The following HEATR3 variants were observed in gnomAD, a reference collection of about 807,000 sequenced individuals.
The protein encoded by HEATR3 is HEAT repeat-containing protein 3.
Under a neutral mutation model 72.8 loss-of-function variants are expected in HEATR3, and 56 were observed. That is an observed-to-expected ratio of 0.77 (90% CI 0.62 to 0.96). HEATR3 has a LOEUF of 0.96. Ranked by LOEUF, HEATR3 falls within the 40% of genes least tolerant of loss-of-function variation. HEATR3 has a pLI of 0.00. For synonymous variants in HEATR3, 331 were observed against 318.1 expected, an observed-to-expected ratio of 1.04 and a Z score of -0.43; for missense variants, 747 against 831.4, an observed-to-expected ratio of 0.90 and a Z score of 1.25.
intron 13 of HEATR3, among the ~76,000 whole-genome samples, chr16:50,101,271 A>G (rs576802014): frequency 4.0e-5 from 6 of 151,808 alleles, no homozygotes; most frequent in Admixed American, 3.9e-4. Flanking sequence ...GCCCACTACC[A>G]CACCTGGCTA....
intron 11 of HEATR3, among the ~76,000 whole-genome samples, chr16:50,094,051 ATC>A (rs1358968019): frequency 2.0e-5 from 3 of 152,090 alleles, no homozygotes; most frequent in African/African-American, 7.2e-5. Context: ...CACCAAGCAA[ATC>A]TCTTCCCATC....
chr16:50,066,314 C>T lies in HEATR3; in HGVS notation c.138+45C>T, dbSNP rs773162123. On this transcript the variant is annotated intron_variant, in intron 1 of 14. Transcript: ENST00000299192. ...GGGCCGGGAGGCGAGACGAGGTTGC[C>T]CCGCGCGCGTGCGCATTGCGCGCCT... 3.2e-6 allele frequency: 5 copies of T among 1,568,322 alleles called. No homozygotes were observed. The South Asian group carries it at 5.8e-5, about 18-fold the overall frequency.
intron 11 of HEATR3, among the ~76,000 whole-genome samples, chr16:50,090,464 T>C (rs1188382999): frequency 6.6e-6 from 1 of 152,214 alleles, no homozygotes; most frequent in Non-Finnish European, 1.5e-5. Context: ...CTAACTTGTT[T>C]TAATTTTAAT....
At chr16:50,066,631 T>G in intron 2 of HEATR3, 92 bp downstream of exon 2, 1 of 1,158,858 alleles carries the variant, frequency 8.6e-7, no homozygotes, top group Non-Finnish European at 1.1e-6. Context: ...GCGCCTTCTG[T>G]GTGCCATCAG....
At chr16:50,066,605 T>TCGCAGCGGTCA (rs1838267773) in intron 2 of HEATR3, 66 bp downstream of exon 2, 1 of 1,233,532 alleles carries the variant, frequency 8.1e-7, no homozygotes, top group Admixed American at 4.2e-5. Context: ...CTGCGGGCGG[T>TCGCAGCGGTCA]CGCAGCGGTC....
chr16:50,096,408 C>G (rs752461478), intron 12 of HEATR3, among the ~76,000 whole-genome samples: 9 of 150,752 alleles, frequency 6.0e-5, no homozygotes, highest in Non-Finnish European at 1.2e-4. Flanking sequence ...AAGCAAGGTT[C>G]ATGTGTTGCT....
At chr16:50,104,445 G>A (rs776032005) in intron 14 of HEATR3, among the ~76,000 whole-genome samples, 4 of 152,054 alleles carry the variant, frequency 2.6e-5, no homozygotes, top group Non-Finnish European at 5.9e-5. Flanking sequence ...GCCCAGGCTA[G>A]TCTTGAACTC....
Position 50,068,775 on chromosome 16 carries a change from T to C in HEATR3, c.312-5T>C, listed in dbSNP as rs746742432. 3 of 1,609,066 alleles carry C rather than the reference T, an allele frequency of 1.9e-6. No homozygotes were observed. In the Admixed American group the frequency reaches 5.0e-5, roughly 27 times the overall value. ...AGTAAAACATGTTTTAAACTTCTTG[T>C]GTAGAAATCTCAGTGCTTGTGGAGG... On this transcript the variant is annotated splice_region_variant and splice_polypyrimidine_tract_variant and intron_variant, in intron 2 of 14. Transcript: ENST00000299192.
chr16:50,085,660 A>G (rs998273210), intron 10 of HEATR3, among the ~76,000 whole-genome samples: 11 of 152,118 alleles, frequency 7.2e-5, no homozygotes, highest in South Asian at 2.1e-4. Context: ...TAAGGATGCT[A>G]CCCTACATAG....
At chr16:50,084,541 T>G in intron 9 of HEATR3, 28 bp from the exon 10 acceptor site, 2 of 1,508,874 alleles carry the variant, frequency 1.3e-6, no homozygotes, top group Non-Finnish European at 1.8e-6. Flanking sequence ...CTCTTTAACC[T>G]TTGCTTTACT....
In HEATR3 at chr16:50,066,140, G is replaced by A. The variant is rs1166396223; in HGVS notation, c.9G>A (p.Lys3=). 5 of 1,596,376 alleles carry A rather than the reference G, an allele frequency of 3.1e-6. No individual in the cohort carries two copies. Among genetic ancestry groups the A allele is most frequent in the Admixed American group, 1.7e-5 (1 of 57,680 alleles). Residue 3 remains lysine (K), a synonymous_variant, in exon 1 of 15, where the codon AAG becomes AAA. Coordinates refer to ENST00000299192, the MANE Select transcript of HEATR3 (RefSeq NM_182922.4). ...GCCCAGCGCACGTCACCATGGGCAA[G>A]AGCCGGACGAAGCGCTTCAAGCGAC... MG[K]SRTKRFKRPQ...
chr16:50,088,342 G>A (rs2037033665), intron 11 of HEATR3, among the ~76,000 whole-genome samples: 2 of 152,292 alleles, frequency 1.3e-5, no homozygotes, highest in African/African-American at 4.8e-5. Context: ...TGGTTACTGA[G>A]CTGTCTCTGC....
chr16:50,094,271 G>T (rs1285541576), intron 11 of HEATR3, among the ~76,000 whole-genome samples: 7 of 152,360 alleles, frequency 4.6e-5, no homozygotes, highest in Non-Finnish European at 1.0e-4. Context: ...CTCTGCACAA[G>T]CAACAGTGTG....
At chr16:50,068,650 G>A (rs878908880) in intron 2 of HEATR3, 130 bp from the exon 3 acceptor site, 27 of 701,102 alleles carry the variant, frequency 3.9e-5, no homozygotes, top group East Asian at 2.8e-4. Flanking sequence ...GTTCTGCAGC[G>A]TATGACAGAA....
intron 10 of HEATR3, among the ~76,000 whole-genome samples, chr16:50,085,655 A>T (rs992292459): frequency 1.3e-5 from 2 of 152,044 alleles, no homozygotes; most frequent in Non-Finnish European, 2.9e-5. Context: ...AATTTTAAGG[A>T]TGCTACCCTA....
At chr16:50,091,940 G>A (rs2037122173) in intron 11 of HEATR3, among the ~76,000 whole-genome samples, 2 of 151,534 alleles carry the variant, frequency 1.3e-5, no homozygotes, top group Non-Finnish European at 2.9e-5. Context: ...ACCTCTTTGT[G>A]TGCAATTCAT....
chr16:50,071,166 G>A (rs2036602551), intron 4 of HEATR3, among the ~76,000 whole-genome samples: 9 of 152,258 alleles, frequency 5.9e-5, no homozygotes, highest in Middle Eastern at 3.4e-3. Flanking sequence ...AACACAACCT[G>A]GATTTACTTT....
rs1448263232 is a variant in HEATR3 at position 50,066,469 on chromosome 16, G to C, written c.241G>C (p.Val81Leu). The C allele has an allele frequency of 6.6e-6, 9 of 1,355,476 alleles. No individual in the cohort carries two copies. Among genetic ancestry groups the C allele is most frequent in the Non-Finnish European group, 8.5e-6 (9 of 1,061,468 alleles). 84.0% of individuals were successfully genotyped at this position (1,355,476 alleles called of 1,614,324 possible). A position where few individuals can be genotyped will look rare whatever the true frequency, so the allele number is the denominator to read the frequency against. Residue 81 changes from valine to leucine, a missense_variant, in exon 2 of 15, where the codon GTG becomes CTG. Physicochemically the swap from Val to Leu is conservative, Grantham distance 32 (BLOSUM62 1). Coordinates refer to ENST00000299192, the MANE Select transcript of HEATR3 (RefSeq NM_182922.4). Reference sequence around the variant, plus strand: ...CCCGGGCCTGGCGCGACGAGACGCCGTGCGCCGCCTCGGGCCGCTGCTGCT... The same window carrying C: ...CCCGGGCCTGGCGCGACGAGACGCCCTGCGCCGCCTCGGGCCGCTGCTGCT... Reference protein sequence around the residue: ...ALPGLARRDAVRRLGPLLLDP... With the variant: ...ALPGLARRDALRRLGPLLLDP...
chr16:50,068,686 C>T, intron 2 of HEATR3, 94 bp from the exon 3 acceptor site: 1 of 943,810 alleles, frequency 1.1e-6, no homozygotes, highest in Non-Finnish European at 1.6e-6. Flanking sequence ...CTCTGGGAAA[C>T]CTTAAATATG....
Sources: allele counts gnomAD v4.1 joint callset (sites outside exome capture counted in the v4.1 genomes callset), GRCh38; gene constraint gnomAD v4.1.1; transcripts MANE v1.5; gene names NCBI Gene and HGNC (gene_info 2026-07-23, HGNC 2026-07-21).